The following DPP10 variants were observed in gnomAD, a reference collection of about 807,000 sequenced individuals.
The protein encoded by DPP10 is dipeptidyl peptidase like 10, also known as inactive dipeptidyl peptidase 10.
Under a neutral mutation model 120.9 loss-of-function variants are expected in DPP10, and 33 were observed. That is an observed-to-expected ratio of 0.27 (90% CI 0.21 to 0.37). The LOEUF (loss-of-function observed/expected upper bound fraction) is 0.37. DPP10 is among the 10% of genes least tolerant of loss of function. The pLI is 1.00. For synonymous variants in DPP10, 337 were observed against 326.1 expected, an observed-to-expected ratio of 1.03 and a Z score of -0.36; for missense variants, 816 against 942.8, an observed-to-expected ratio of 0.87 and a Z score of 1.76.
intron 1 of DPP10, among the ~76,000 whole-genome samples, chr2:115,255,657 T>C (rs2058952207): frequency 6.6e-6 from 1 of 152,216 alleles, no homozygotes; most frequent in Non-Finnish European, 1.5e-5. Flanking sequence ...AGATCATCTC[T>C]CTCAGGTTAA....
At chr2:114,693,669 A>T (rs1699902677) in intron 1 of DPP10, among the ~76,000 whole-genome samples, 1 of 151,888 alleles carries the variant, frequency 6.6e-6, no homozygotes, top group African/African-American at 2.4e-5. Context: ...ATCCTGAAAT[A>T]TGTTTTCCAA....
intron 5 of DPP10, among the ~76,000 whole-genome samples, chr2:115,591,048 G>T (rs984595362): frequency 1.3e-5 from 2 of 152,106 alleles, no homozygotes; most frequent in Non-Finnish European, 2.9e-5. Flanking sequence ...TGTAGATTCT[G>T]GATATTAGCC....
At chr2:115,384,377 A>G (rs898088129) in intron 3 of DPP10, among the ~76,000 whole-genome samples, 1 of 148,804 alleles carries the variant, frequency 6.7e-6, no homozygotes, top group African/African-American at 2.4e-5. Context: ...CTGTCTCAGA[A>G]AAGCAGAAGC....
chr2:115,388,490 C>T (rs1360716713), intron 3 of DPP10, among the ~76,000 whole-genome samples: 1 of 152,128 alleles, frequency 6.6e-6, no homozygotes, highest in African/African-American at 2.4e-5. Flanking sequence ...GTGGTTCCCA[C>T]CAGAGTTGTA....
At chr2:115,334,134 A>G (rs1011942334) in intron 2 of DPP10, among the ~76,000 whole-genome samples, 11 of 151,490 alleles carry the variant, frequency 7.3e-5, no homozygotes, top group African/African-American at 2.2e-4. Context: ...AATTCAGGAA[A>G]TACAGAGAAT....
intron 1 of DPP10, among the ~76,000 whole-genome samples, chr2:115,001,228 C>T (rs1008466512): frequency 6.6e-6 from 1 of 152,054 alleles, no homozygotes; most frequent in African/African-American, 2.4e-5. Flanking sequence ...GATTTTGACA[C>T]CTTGATTTAT....
intron 21 of DPP10, among the ~76,000 whole-genome samples, chr2:115,817,346 T>C (rs565884106): frequency 6.6e-6 from 1 of 152,334 alleles, no homozygotes; most frequent in East Asian, 1.9e-4. Context: ...TTTAAACATA[T>C]GATATTTTCT....
intron 1 of DPP10, among the ~76,000 whole-genome samples, chr2:114,939,531 T>A (rs557391211): frequency 6.6e-6 from 1 of 152,260 alleles, no homozygotes; most frequent in East Asian, 1.9e-4. Context: ...CTACCTACTT[T>A]TGCTTTTATA....
chr2:115,639,818 G>A (rs1007623865), intron 5 of DPP10, among the ~76,000 whole-genome samples: 13 of 152,032 alleles, frequency 8.6e-5, no homozygotes, highest in African/African-American at 3.1e-4. Context: ...CAGTCTAGTT[G>A]GGAAATATAT....
At chr2:115,705,340 C>G (rs1453674706) in intron 7 of DPP10, among the ~76,000 whole-genome samples, 1 of 151,850 alleles carries the variant, frequency 6.6e-6, no homozygotes, top group Non-Finnish European at 1.5e-5. Flanking sequence ...TATTTTTAAT[C>G]TCATCAGGAT....
intron 1 of DPP10, among the ~76,000 whole-genome samples, chr2:114,792,971 C>T (rs1020119405): frequency 6.7e-5 from 10 of 149,552 alleles, no homozygotes; most frequent in Non-Finnish European, 1.3e-4. Flanking sequence ...TCTTGTGGAC[C>T]ACCAAGGCAA....
intron 1 of DPP10, among the ~76,000 whole-genome samples, chr2:114,814,932 G>T (rs1685499923): frequency 6.6e-6 from 1 of 152,170 alleles, no homozygotes. Context: ...CTACGGGTTT[G>T]GGGATGGGAC....
At chr2:114,675,152 C>T (rs965258006) in intron 1 of DPP10, among the ~76,000 whole-genome samples, 9 of 152,118 alleles carry the variant, frequency 5.9e-5, no homozygotes, top group Admixed American at 3.3e-4. Context: ...TTCCTGATCT[C>T]TTCCTCTTGT....
At chr2:115,613,389 C>G (rs1293541750) in intron 5 of DPP10, among the ~76,000 whole-genome samples, 1 of 152,146 alleles carries the variant, frequency 6.6e-6, no homozygotes, top group African/African-American at 2.4e-5. Context: ...GATAGAATAT[C>G]TTTTGGCTCT....
chr2:115,736,737 A>T (rs1676561132), intron 8 of DPP10, among the ~76,000 whole-genome samples: 1 of 152,146 alleles, frequency 6.6e-6, no homozygotes, highest in Admixed American at 6.5e-5. Context: ...AAGTGATCCT[A>T]TGTCAAAGGC....
chr2:114,731,850 G>A (rs1356127790), intron 1 of DPP10, among the ~76,000 whole-genome samples: 2 of 152,158 alleles, frequency 1.3e-5, no homozygotes, highest in East Asian at 3.9e-4. Context: ...AAGCAGACAA[G>A]GGTCACATGC....
At position 114,502,010 on chromosome 2, in the gene DPP10, A is replaced by G. The variant is rs1292735020; in HGVS notation, c.60+59172A>G. On this transcript the variant is annotated intron_variant, in intron 1 of 25. Transcript: ENST00000410059. ...GAGTGTAGTGGTGCAATCTTGGCTC[A>G]CTGCAACCTCTGCCTCCTGGGTTCA... 2.8e-5 allele frequency among the ~76,000 whole-genome samples: 4 copies of G among 144,366 alleles called. No homozygotes were observed. The East Asian group carries it at 8.0e-4, about 29-fold the overall frequency. The allele number at this position is 144,366 out of a possible 152,430, so 94.7% of individuals were successfully genotyped here. A position where few individuals can be genotyped will look rare whatever the true frequency, so the allele number is the denominator to read the frequency against.
chr2:114,949,068 G>C (rs1249434677), intron 1 of DPP10, among the ~76,000 whole-genome samples: 1 of 151,976 alleles, frequency 6.6e-6, no homozygotes, highest in Non-Finnish European at 1.5e-5. Flanking sequence ...GGAAGTACAG[G>C]TGTGTGCCAC....
chr2:115,338,280 C>T (rs1460378425), intron 2 of DPP10, among the ~76,000 whole-genome samples: 1 of 151,758 alleles, frequency 6.6e-6, no homozygotes, highest in African/African-American at 2.4e-5. Flanking sequence ...ACAGACATAT[C>T]GGGTGGTTGT....
Sources: gnomAD v4.1 joint callset for allele counts (sites outside exome capture counted in the v4.1 genomes callset) on GRCh38, gnomAD v4.1.1 for gene constraint, MANE v1.5 for transcripts, NCBI Gene and HGNC (gene_info 2026-07-23, HGNC 2026-07-21) for gene names.